The following CFAP57 variants were observed in gnomAD, a reference collection of about 807,000 sequenced individuals.
CFAP57 encodes cilia- and flagella-associated protein 57.
Under a neutral mutation model 146.8 loss-of-function variants are expected in CFAP57, and 116 were observed. The observed-to-expected ratio is 0.79, with a 90% CI of 0.68 to 0.92. CFAP57 has a LOEUF of 0.92. CFAP57 is among the 40% of genes least tolerant of loss of function. The probability of loss-of-function intolerance (pLI) is 0.00; values close to 1 mark genes in which losing one functional copy is unlikely to be tolerated. For synonymous variants in CFAP57, 518 were observed against 552.8 expected, an observed-to-expected ratio of 0.94 and a Z score of 0.88; for missense variants, 1,377 against 1,527.2, an observed-to-expected ratio of 0.90 and a Z score of 1.64.
chr1:43,175,693 A>G (rs1485576730), intron 2 of CFAP57, among the ~76,000 whole-genome samples: 42 of 151,618 alleles, frequency 2.8e-4, no homozygotes, highest in Non-Finnish European at 4.4e-5. Context: ...TTTTATGGAG[A>G]TGGGGTCTGG....
At chr1:43,199,585 AG>A in intron 9 of CFAP57, 82 bp downstream of exon 9, 1 of 767,038 alleles carries the variant, frequency 1.3e-6, no homozygotes. Context: ...GGTGAACAAA[AG>A]AGAGATGGTT....
intron 6 of CFAP57, among the ~76,000 whole-genome samples, chr1:43,188,593 G>T (rs1243356529): frequency 1.3e-5 from 2 of 151,868 alleles, no homozygotes; most frequent in Non-Finnish European, 2.9e-5. Context: ...CAGATTTTTT[G>T]CCCATTTAAA....
intron 2 of CFAP57, among the ~76,000 whole-genome samples, chr1:43,174,812 T>G (rs978605528): frequency 1.3e-5 from 2 of 152,136 alleles, no homozygotes; most frequent in Non-Finnish European, 2.9e-5. Context: ...CCAGACCCTG[T>G]CTCAAAAACA....
chr1:43,179,494 T>C (rs768049166), intron 2 of CFAP57, among the ~76,000 whole-genome samples: 2 of 152,166 alleles, frequency 1.3e-5, no homozygotes, highest in Non-Finnish European at 2.9e-5. Flanking sequence ...CTCTCAGTAT[T>C]GTAGTGGAGG....
chr1:43,194,528 GTT>G (rs1643739761), intron 6 of CFAP57, among the ~76,000 whole-genome samples: 1 of 152,078 alleles, frequency 6.6e-6, no homozygotes, highest in African/African-American at 2.4e-5. Context: ...TTATGAAAAT[GTT>G]TTTTCTGTTC....
intron 16 of CFAP57, among the ~76,000 whole-genome samples, chr1:43,223,835 A>G (rs757995443): frequency 2.6e-5 from 4 of 152,220 alleles, no homozygotes; most frequent in Non-Finnish European, 4.4e-5. Flanking sequence ...ATGGGACAGA[A>G]TACTACATCA....
chr1:43,232,626 T>C lies in CFAP57; in HGVS notation c.3126+2T>C. ...GAGATGCGCAGAGAGAGACAGAAGGTGTGAGGGTTTCAGAGTCTGGCAGTT... is the reference window on the plus strand; with the variant it reads ...GAGATGCGCAGAGAGAGACAGAAGGCGTGAGGGTTTCAGAGTCTGGCAGTT... On this transcript the variant is annotated splice_donor_variant, in intron 19 of 22. Coordinates refer to ENST00000372492, the MANE Select transcript of CFAP57 (RefSeq NM_001378189.1). LOFTEE classifies it high-confidence loss of function. The C allele has an allele frequency of 6.5e-7, 1 of 1,528,476 alleles. No homozygotes were observed. The highest frequency in any genetic ancestry group is 8.8e-7 in the Non-Finnish European group (1 of 1,130,812). 94.7% of individuals were successfully genotyped at this position (1,528,476 alleles called of 1,614,324 possible).
At chr1:43,209,621 A>G in intron 10 of CFAP57, 122 bp from the exon 11 acceptor site, 1 of 1,023,780 alleles carries the variant, frequency 9.8e-7, no homozygotes, top group Non-Finnish European at 1.5e-6. Context: ...GGGGATAGAA[A>G]AAGCATTTTT....
At chr1:43,250,032 C>T (rs1319933104) in intron 22 of CFAP57, among the ~76,000 whole-genome samples, 4 of 152,008 alleles carry the variant, frequency 2.6e-5, no homozygotes, top group African/African-American at 4.8e-5. Context: ...ATTTTAAAGC[C>T]GGTTTGTTTA....
chr1:43,214,266 T>C (rs1644749856), intron 11 of CFAP57, among the ~76,000 whole-genome samples: 1 of 152,242 alleles, frequency 6.6e-6, no homozygotes, highest in African/African-American at 2.4e-5. Context: ...GTATTCTGGA[T>C]ATTGGTCTTT....
chr1:43,190,601 T>C (rs906492384), intron 6 of CFAP57, among the ~76,000 whole-genome samples: 1 of 152,028 alleles, frequency 6.6e-6, no homozygotes, highest in Non-Finnish European at 1.5e-5. Flanking sequence ...AGTTTGATGC[T>C]GTCTGTAGGT....
At chr1:43,174,770 C>T (rs1298292133) in intron 2 of CFAP57, among the ~76,000 whole-genome samples, 4 of 152,248 alleles carry the variant, frequency 2.6e-5, no homozygotes, top group South Asian at 4.2e-4. Flanking sequence ...GAGCCAAGAT[C>T]GCACCACTGC....
At chr1:43,204,935 C>T (rs1039111906) in intron 9 of CFAP57, among the ~76,000 whole-genome samples, 1 of 152,102 alleles carries the variant, frequency 6.6e-6, no homozygotes, top group Non-Finnish European at 1.5e-5. Context: ...GCCCCTGGGT[C>T]GGGAGAGCTT....
chr1:43,223,081 G>T lies in CFAP57; in HGVS notation c.2706+84G>T, dbSNP rs185356873. On this transcript the variant is annotated intron_variant, in intron 16 of 22. Coordinates refer to ENST00000372492, the MANE Select transcript of CFAP57 (RefSeq NM_001378189.1). Reference sequence around the variant, plus strand: ...GGTGGGTGGACTGACCGGCCTGGGGGTGCTGGCCAGGGTCCTGCCTGTCCC... The same window carrying T: ...GGTGGGTGGACTGACCGGCCTGGGGTTGCTGGCCAGGGTCCTGCCTGTCCC... The T allele has an allele frequency of 2.8e-6, 4 of 1,414,208 alleles. No individual in the cohort carries two copies. In the Admixed American group the frequency reaches 7.2e-5, roughly 26 times the overall value. The allele number at this position is 1,414,208 out of a possible 1,614,324, so 87.6% of individuals were successfully genotyped here.
At chr1:43,244,701 G>A (rs757656662) in intron 22 of CFAP57, among the ~76,000 whole-genome samples, 3 of 151,296 alleles carry the variant, frequency 2.0e-5, no homozygotes, top group African/African-American at 4.9e-5. Context: ...TCAAGAGATC[G>A]AGACCATCCT....
chr1:43,188,804 C>T (rs1301825294), intron 6 of CFAP57, among the ~76,000 whole-genome samples: 2 of 152,088 alleles, frequency 1.3e-5, no homozygotes, highest in Non-Finnish European at 2.9e-5. Flanking sequence ...GTTGGTTGTG[C>T]TTTCCATGTT....
chr1:43,239,745 G>T (rs1570321605), intron 21 of CFAP57, among the ~76,000 whole-genome samples: 1 of 152,330 alleles, frequency 6.6e-6, no homozygotes. Context: ...GTGAAGCTTA[G>T]CGAGGCCTAC....
chr1:43,244,027 A>G (rs920698638), intron 22 of CFAP57, among the ~76,000 whole-genome samples: 1 of 152,240 alleles, frequency 6.6e-6, no homozygotes, highest in Non-Finnish European at 1.5e-5. Context: ...TTCCCTGGCA[A>G]TAAATTCTCT....
At position 43,198,569 on chromosome 1, in the gene CFAP57, G is replaced by A; in HGVS notation, c.1351G>A (p.Asp451Asn). Reference protein sequence around the residue: ...SGHFIVVGFADKLRLMNLLID... With the variant: ...SGHFIVVGFANKLRLMNLLID... ...ACACTTCATTGTAGTAGGGTTTGCTGACAAACTACGCCTCATGAATCTACT... is the reference window on the plus strand; with the variant it reads ...ACACTTCATTGTAGTAGGGTTTGCTAACAAACTACGCCTCATGAATCTACT... Residue 451 changes from aspartate (D) to asparagine (N), a missense_variant, in exon 8 of 23, where the codon GAC (aspartate) becomes AAC (asparagine). By Grantham distance (23) the Asp-to-Asn change is conservative. Transcript: ENST00000372492. The A allele has an allele frequency of 6.2e-7, 1 of 1,614,084 alleles. No individual in the cohort carries two copies. Among genetic ancestry groups the A allele is most frequent in the South Asian group, 1.1e-5 (1 of 91,084 alleles).
Sources: gnomAD v4.1 joint callset for allele counts (sites outside exome capture counted in the v4.1 genomes callset) on GRCh38, gnomAD v4.1.1 for gene constraint, MANE v1.5 for transcripts, NCBI Gene and HGNC (gene_info 2026-07-23, HGNC 2026-07-21) for gene names.